Variants in PIEZO2 observed in about 807,000 individuals in gnomAD.
PIEZO2 encodes the protein piezo-type mechanosensitive ion channel component 2.
In PIEZO2, 172 loss-of-function variants were observed where a neutral mutation model predicts 337.3. The observed-to-expected ratio is 0.51, with a 90% CI of 0.45 to 0.58. The LOEUF (loss-of-function observed/expected upper bound fraction) is 0.58. Among genes scored for constraint, PIEZO2 ranks in the 20% least tolerant of loss-of-function variants. PIEZO2 has a pLI of 0.00. For missense variants in PIEZO2, 3,028 were observed against 3,391.3 expected, an observed-to-expected ratio of 0.89 and a Z score of 2.66; for synonymous variants, 1,251 against 1,228.5, an observed-to-expected ratio of 1.02 and a Z score of -0.38.
intron 1 of PIEZO2, among the ~76,000 whole-genome samples, chr18:11,073,656 C>A (rs1247988376): frequency 6.6e-6 from 1 of 152,130 alleles, no homozygotes; most frequent in Non-Finnish European, 1.5e-5. Flanking sequence ...TTGAAATCAT[C>A]CCATTTGACA....
chr18:10,755,662 TG>T (rs1360537572), intron 27 of PIEZO2, among the ~76,000 whole-genome samples: 1 of 152,156 alleles, frequency 6.6e-6, no homozygotes, highest in Non-Finnish European at 1.5e-5. Context: ...CCAGATCAGC[TG>T]TCATGAGGCT....
Position 10,724,981 on chromosome 18 carries a change from A to C in PIEZO2, c.5029+6426T>G. On this transcript the variant is annotated intron_variant, in intron 36 of 55. Coordinates refer to ENST00000674853, the MANE Select transcript of PIEZO2 (RefSeq NM_001378183.1). The surrounding 1 kb of genome is among the most constrained non-coding windows in gnomAD (Gnocchi z 5.8). ...GCGGCCTGCAGCCTCCCTGCCTCAC[A>C]TTACTAAGACTCAAAGCGATGCAGG... 1 of 1,586,088 alleles carries C rather than the reference A, an allele frequency of 6.3e-7. No homozygotes were observed. The highest frequency in any genetic ancestry group is 8.6e-7 in the Non-Finnish European group (1 of 1,159,878).
chr18:11,061,171 T>C (rs1370794521), intron 2 of PIEZO2, among the ~76,000 whole-genome samples: 22 of 152,108 alleles, frequency 1.4e-4, no homozygotes, highest in Non-Finnish European at 2.6e-4. Context: ...ATTATCTCAA[T>C]AGATGCAGAA....
At position 10,726,535 on chromosome 18, in the gene PIEZO2, C is replaced by A; in HGVS notation, c.5029+4872G>T. ...TCCTGTGGCGCGCTGCGCTGCTCTG[C>A]TCTGCTACACCAGCCGCCACGCTGT... On this transcript the variant is annotated intron_variant, in intron 36 of 55. Coordinates refer to ENST00000674853, the MANE Select transcript of PIEZO2 (RefSeq NM_001378183.1). This position sits in a 1 kb window ranked among gnomAD's most constrained non-coding sequence, Gnocchi z 5.9. 1 of 1,441,174 alleles carries A rather than the reference C, an allele frequency of 6.9e-7. No homozygotes were observed. Among genetic ancestry groups the A allele is most frequent in the Non-Finnish European group, 9.2e-7 (1 of 1,089,424 alleles). 89.3% of individuals were successfully genotyped at this position (1,441,174 alleles called of 1,614,324 possible). A position where few individuals can be genotyped will look rare whatever the true frequency, so the allele number is the denominator to read the frequency against.
intron 36 of PIEZO2, among the ~76,000 whole-genome samples, chr18:10,723,816 G>A (rs1485343165): frequency 1.3e-5 from 2 of 152,190 alleles, no homozygotes; most frequent in Admixed American, 1.3e-4. Context: ...ATTTGCTGAA[G>A]CTTCCCTCTG....
Position 10,979,166 on chromosome 18 carries a change from T to A in PIEZO2, c.286+369A>T, listed in dbSNP as rs2034565455. ...ATTTCATATAATATTATTCAACTTTTATATTCTATTCATCATGTTAGAAAT... is the reference window on the plus strand; with the variant it reads ...ATTTCATATAATATTATTCAACTTTAATATTCTATTCATCATGTTAGAAAT... On this transcript the variant is annotated intron_variant, in intron 3 of 55. Coordinates refer to ENST00000674853, the MANE Select transcript of PIEZO2 (RefSeq NM_001378183.1). This position sits in a 1 kb window ranked among gnomAD's most constrained non-coding sequence, Gnocchi z 4.0. Among the ~76,000 whole-genome samples, 1 of 152,064 alleles carries A rather than the reference T, an allele frequency of 6.6e-6. No individual in the cohort carries two copies. The highest frequency in any genetic ancestry group is 6.5e-5 in the Admixed American group (1 of 15,270).
intron 1 of PIEZO2, among the ~76,000 whole-genome samples, chr18:11,108,386 C>CG (rs1348213466): frequency 6.6e-6 from 1 of 151,910 alleles, no homozygotes; most frequent in African/African-American, 2.4e-5. Context: ...GAGGCCGAGG[C>CG]GGGCAGATCA....
chr18:10,996,191 AC>A (rs1433387803), intron 2 of PIEZO2, among the ~76,000 whole-genome samples: 2 of 152,186 alleles, frequency 1.3e-5, no homozygotes, highest in Non-Finnish European at 2.9e-5. Flanking sequence ...TCTCAATTCC[AC>A]CGTAGTGTTT....
chr18:10,725,097 C>T (rs2036478466), intron 36 of PIEZO2: 1 of 1,492,876 alleles, frequency 6.7e-7, no homozygotes, highest in South Asian at 1.1e-5. Context: ...AGTCGCATTA[C>T]ACCTACAATC....
In PIEZO2 at chr18:10,816,095, A is replaced by T. The variant is rs187254959; in HGVS notation, c.918-8821T>A. 1.7e-3 allele frequency among the ~76,000 whole-genome samples: 258 copies of T among 152,344 alleles called. 1 individual carries two copies. Among genetic ancestry groups the T allele is most frequent in the Non-Finnish European group, 1.1e-3 (74 of 68,040 alleles). On this transcript the variant is annotated intron_variant, in intron 7 of 55. Transcript: ENST00000674853. ...CCTGCCTAGCAGACACCTAAGTCTC[A>T]TGCTGGAAGCCCTCGGCTCTTCACT...
At chr18:10,736,576 G>A in intron 34 of PIEZO2, 28 bp downstream of exon 34, 2 of 1,536,402 alleles carry the variant, frequency 1.3e-6, no homozygotes, top group Non-Finnish European at 1.7e-6. Context: ...CTTCCAACTA[G>A]CAAAGAAATG....
At chr18:11,006,981 C>G (rs1004853063) in intron 2 of PIEZO2, among the ~76,000 whole-genome samples, 1 of 152,146 alleles carries the variant, frequency 6.6e-6, no homozygotes, top group Non-Finnish European at 1.5e-5. Context: ...ATCAGGGTAA[C>G]TGGGATATCT....
In PIEZO2 at chr18:11,048,177, A is replaced by G. The variant is rs1222106412; in HGVS notation, c.160+17950T>C. 6.6e-6 allele frequency among the ~76,000 whole-genome samples: 1 copy of G among 152,180 alleles called. No individual in the cohort carries two copies. Among genetic ancestry groups the G allele is most frequent in the Non-Finnish European group, 1.5e-5 (1 of 68,020 alleles). On this transcript the variant is annotated intron_variant, in intron 2 of 55. Transcript: ENST00000674853. The surrounding 1 kb of genome is among the most constrained non-coding windows in gnomAD (Gnocchi z 4.5). ...AGGAGACTATTAGTGACTTTCCCCA[A>G]TACCCCTTAAGGGCACAAAATACTG...
intron 2 of PIEZO2, among the ~76,000 whole-genome samples, chr18:11,013,702 C>CATT (rs1226747781): frequency 6.6e-6 from 1 of 152,150 alleles, no homozygotes; most frequent in East Asian, 1.9e-4. Flanking sequence ...CATTCTAATT[C>CATT]ATTAGGAACA....
rs543658083 is a variant in PIEZO2 at position 10,709,039 on chromosome 18, G to A, written c.5424-600C>T. On this transcript the variant is annotated intron_variant, in intron 39 of 55. Coordinates refer to ENST00000674853, the MANE Select transcript of PIEZO2 (RefSeq NM_001378183.1). Reference sequence around the variant, plus strand: ...ATGCTCTGCATGTAGTCGGGATGCTGGTTTAATATGCAGTGGATATAAACC... The same window carrying A: ...ATGCTCTGCATGTAGTCGGGATGCTAGTTTAATATGCAGTGGATATAAACC... The A allele has an allele frequency of 2.6e-5, 4 of 152,240 alleles. No individual in the cohort carries two copies. The South Asian group carries it at 8.3e-4, about 32-fold the overall frequency. The allele number at this position is 152,240 out of a possible 1,614,324, so 9.4% of individuals were successfully genotyped here. A position where few individuals can be genotyped will look rare whatever the true frequency, so the allele number is the denominator to read the frequency against.
In PIEZO2 at chr18:10,727,026, C is replaced by T. The variant is rs984453403; in HGVS notation, c.5029+4381G>A. 6 of 752,024 alleles carry T rather than the reference C, an allele frequency of 8.0e-6. No individual in the cohort carries two copies. The highest frequency in any genetic ancestry group is 6.7e-5 in the South Asian group (3 of 44,966). 46.6% of individuals were successfully genotyped at this position (752,024 alleles called of 1,614,324 possible). The stretch of plus-strand genomic sequence containing the variant: ...TGAAGCTGTTTGCTCTGTGCTTCCA[C>T]GGTCTGGGTGTTTCTTGGGGGGTGT... On this transcript the variant is annotated intron_variant, in intron 36 of 55. Transcript: ENST00000674853. The surrounding 1 kb of genome is among the most constrained non-coding windows in gnomAD (Gnocchi z 6.3).
intron 4 of PIEZO2, among the ~76,000 whole-genome samples, chr18:10,898,529 A>C (rs11659686): frequency 0.31 from 46,857 of 152,136 alleles, 7,314 homozygotes; most frequent in Non-Finnish European, 0.34. Context: ...AATTTGACTG[A>C]AAATGTGGGT....
At chr18:10,835,816 C>T (rs1598557166) in intron 7 of PIEZO2, among the ~76,000 whole-genome samples, 1 of 152,220 alleles carries the variant, frequency 6.6e-6, no homozygotes, top group Admixed American at 6.5e-5. Context: ...CATGAGCCAG[C>T]GCGTCCAGCC....
At chr18:11,005,614 C>T (rs2035691496) in intron 2 of PIEZO2, among the ~76,000 whole-genome samples, 1 of 152,318 alleles carries the variant, frequency 6.6e-6, no homozygotes, top group East Asian at 1.9e-4. Context: ...TCCCATCTTC[C>T]TCAAGCTCCT....
Sources: gnomAD v4.1 joint callset for allele counts (sites outside exome capture counted in the v4.1 genomes callset) on GRCh38, gnomAD v4.1.1 for gene constraint, Gnocchi (gnomAD v3.1) non-coding constraint, MANE v1.5 for transcripts, NCBI Gene and HGNC (gene_info 2026-07-23, HGNC 2026-07-21) for gene names.